The following SLC60A1 variants were observed in gnomAD, a reference collection of about 807,000 sequenced individuals.
SLC60A1 encodes the protein major facilitator superfamily domain containing 4.
At chr1:205,599,083 C>T in the SLC60A1 span, 1 of 1,610,094 alleles carries the variant, frequency 6.2e-7, no homozygotes, top group South Asian at 1.1e-5. Flanking sequence ...ATACACCTTC[C>T]ACGTGAAGTT....
the SLC60A1 span, chr1:205,583,804 CT>C: frequency 9.5e-7 from 1 of 1,050,042 alleles, no homozygotes; most frequent in Non-Finnish European, 1.3e-6. Context: ...CACCTGGCTT[CT>C]TAGGTTGGGA....
At chr1:205,583,858 T>G in the SLC60A1 span, 1 of 1,420,566 alleles carries the variant, frequency 7.0e-7, no homozygotes, top group Non-Finnish European at 9.3e-7. Context: ...AGAGCTGTCT[T>G]CTCCCAGGAC....
chr1:205,584,598 CAA>C, the SLC60A1 span, among the ~76,000 whole-genome samples: 1 of 149,346 alleles, frequency 6.7e-6, no homozygotes, highest in Non-Finnish European at 1.5e-5. Context: ...GCAACCTGAC[CAA>C]GAGAATGAGG....
chr1:205,593,421 T>TGCACC, the SLC60A1 span, among the ~76,000 whole-genome samples: 2 of 14,128 alleles, frequency 1.4e-4, no homozygotes, highest in Admixed American at 5.7e-4. Flanking sequence ...CAGTGAGCAC[T>TGCACC]CCAGCCTGGG....
chr1:205,574,716 G>A, the SLC60A1 span, among the ~76,000 whole-genome samples: 5 of 152,140 alleles, frequency 3.3e-5, no homozygotes, highest in African/African-American at 7.2e-5. Flanking sequence ...ACTCTTGCGC[G>A]ACAGGAGAGA....
At chr1:205,585,399 A>AG in the SLC60A1 span, among the ~76,000 whole-genome samples, 1 of 152,164 alleles carries the variant, frequency 6.6e-6, no homozygotes, top group Non-Finnish European at 1.5e-5. The surrounding 1 kb of genome is among the most constrained non-coding windows in gnomAD (Gnocchi z 4.2). Flanking sequence ...TGTTGTAAAC[A>AG]AGCTTCAGGT....
At chr1:205,593,396 A>G in the SLC60A1 span, among the ~76,000 whole-genome samples, 63,439 of 91,618 alleles carry the variant, frequency 0.69, 22,533 homozygotes, top group Non-Finnish European at 0.74. Flanking sequence ...GCGTGAACCC[A>G]GGAGGTGGAG....
chr1:205,596,275 A>C, the SLC60A1 span, among the ~76,000 whole-genome samples: 1 of 152,200 alleles, frequency 6.6e-6, no homozygotes, highest in Non-Finnish European at 1.5e-5. Flanking sequence ...GCTGGTCAAC[A>C]GACAGTGTGG....
At chr1:205,570,251 G>A in the SLC60A1 span, among the ~76,000 whole-genome samples, 4 of 152,230 alleles carry the variant, frequency 2.6e-5, no homozygotes, top group Non-Finnish European at 5.9e-5. Flanking sequence ...ATGGAAAACA[G>A]AGACCCATAA....
At chr1:205,579,821 T>G in the SLC60A1 span, 1 of 1,614,026 alleles carries the variant, frequency 6.2e-7, no homozygotes, top group South Asian at 1.1e-5. Context: ...CGTCATCCCC[T>G]TCTGCCGCGA....
At chr1:205,580,467 C>T in the SLC60A1 span, among the ~76,000 whole-genome samples, 1 of 152,146 alleles carries the variant, frequency 6.6e-6, no homozygotes, top group African/African-American at 2.4e-5. This position sits in a 1 kb window ranked among gnomAD's most constrained non-coding sequence, Gnocchi z 5.0. Context: ...CACTCCTCAC[C>T]TCCCCTCACC....
At chr1:205,597,373 GTTTTTTTT>G in the SLC60A1 span, among the ~76,000 whole-genome samples, 1 of 37,228 alleles carries the variant, frequency 2.7e-5, no homozygotes, top group African/African-American at 6.6e-5. Context: ...AACCTAGGTT[GTTTTTTTT>G]TTTTTTTTTT....
At chr1:205,580,008 G>T in the SLC60A1 span, 3 of 1,535,140 alleles carry the variant, frequency 2.0e-6, no homozygotes, top group Non-Finnish European at 1.8e-6. This position sits in a 1 kb window ranked among gnomAD's most constrained non-coding sequence, Gnocchi z 5.0. Flanking sequence ...AGCTCCCTAG[G>T]CCCCCTCAGT....
chr1:205,570,214 C>G, the SLC60A1 span, among the ~76,000 whole-genome samples: 1 of 152,236 alleles, frequency 6.6e-6, no homozygotes, highest in African/African-American at 2.4e-5. Context: ...TGTGGAAAGA[C>G]AGCCAGATTC....
At chr1:205,586,200 T>G in the SLC60A1 span, 11 of 1,613,314 alleles carry the variant, frequency 6.8e-6, no homozygotes, top group Non-Finnish European at 9.3e-6. Context: ...ATGGTTTTCA[T>G]CAACGTGGTA....
the SLC60A1 span, among the ~76,000 whole-genome samples, chr1:205,570,950 C>T: frequency 2.6e-5 from 4 of 152,170 alleles, no homozygotes; most frequent in Non-Finnish European, 5.9e-5. Flanking sequence ...TGCACACCCA[C>T]CCAGCTGGGC....
At chr1:205,594,509 AG>A in the SLC60A1 span, among the ~76,000 whole-genome samples, 2 of 152,078 alleles carry the variant, frequency 1.3e-5, no homozygotes, top group African/African-American at 4.8e-5. Flanking sequence ...TACAAAAATT[AG>A]CTAGGCGTGG....
At chr1:205,584,562 A>AAAG in the SLC60A1 span, among the ~76,000 whole-genome samples, 1,382 of 133,604 alleles carry the variant, frequency 0.01, 12 homozygotes, top group African/African-American at 0.034. Flanking sequence ...AAAAAAAAAA[A>AAAG]AAAAGAAAAT....
chr1:205,587,496 T>C, the SLC60A1 span, among the ~76,000 whole-genome samples: 1 of 151,154 alleles, frequency 6.6e-6, no homozygotes, highest in African/African-American at 2.4e-5. Flanking sequence ...ACGCAAGAGG[T>C]TGAGGGTGAG....
Sources: allele counts gnomAD v4.1 joint callset (sites outside exome capture counted in the v4.1 genomes callset), GRCh38; gene constraint gnomAD v4.1.1; non-coding constraint Gnocchi (gnomAD v3.1); transcripts MANE v1.5; gene names NCBI Gene and HGNC (gene_info 2026-07-23, HGNC 2026-07-21).